Variants in GALC observed in about 807,000 individuals in gnomAD.
GALC encodes galactosylceramidase.
A neutral mutation model predicts 91.8 loss-of-function variants in GALC; 77 were observed. The ratio of observed to expected loss-of-function variants is 0.84; its 90% CI spans 0.70 to 1.01. The LOEUF (loss-of-function observed/expected upper bound fraction) is 1.01, where lower values mean the gene tolerates loss of function less well. Among genes scored for constraint, GALC ranks in the 50% least tolerant of loss-of-function variants. The probability of loss-of-function intolerance (pLI) is 0.00; values close to 1 mark genes in which losing one functional copy is unlikely to be tolerated. For missense variants in GALC, 882 were observed against 855.9 expected, an observed-to-expected ratio of 1.03 and a Z score of -0.38; for synonymous variants, 357 against 306.7, an observed-to-expected ratio of 1.16 and a Z score of -1.71.
chr14:87,974,297 C>A (rs1029603207), intron 7 of GALC, among the ~76,000 whole-genome samples: 1 of 152,128 alleles, frequency 6.6e-6, no homozygotes, highest in Non-Finnish European at 1.5e-5. Context: ...AAGCATAGAT[C>A]TCTTAGTTAC....
intron 14 of GALC, among the ~76,000 whole-genome samples, chr14:87,944,399 G>T (rs556423119): frequency 1.3e-5 from 2 of 151,906 alleles, no homozygotes; most frequent in East Asian, 3.9e-4. Flanking sequence ...CAAAACAATG[G>T]GACCCAGGCC....
In GALC at chr14:87,992,973, G is replaced by A. The variant is rs753287800; in HGVS notation, c.192C>T (p.Gly64=). Residue 64 remains glycine (G), a synonymous_variant, in exon 1 of 17, where the codon GGC becomes GGT. Coordinates refer to ENST00000261304, the MANE Select transcript of GALC (RefSeq NM_000153.4). ...ATCCCCGCAGCTTGCCGCTCACCCC[G>A]CCGCCGCTGACCGCGCCGATGCCGT... is the stretch of plus-strand genomic sequence containing the variant. The part of the protein sequence containing the change: ...EFDGIGAVSG[G]GATSRLLVNY... 1 of 1,520,768 alleles carries A rather than the reference G, an allele frequency of 6.6e-7. No homozygotes were observed. Among genetic ancestry groups the A allele is most frequent in the East Asian group, 2.7e-5 (1 of 37,504 alleles). The allele number at this position is 1,520,768 out of a possible 1,614,324, so 94.2% of individuals were successfully genotyped here.
At chr14:87,939,794 G>C (rs1884756736) in intron 16 of GALC, 111 bp downstream of exon 16, 1 of 841,830 alleles carries the variant, frequency 1.2e-6, no homozygotes, top group Admixed American at 1.7e-5. Flanking sequence ...CAGATTCTTT[G>C]TCTCTCTTCA....
intron 6 of GALC, chr14:87,976,872 T>C (rs961602548): frequency 4.9e-6 from 1 of 206,092 alleles, no homozygotes; most frequent in South Asian, 7.6e-5. Context: ...TTCAATACTA[T>C]ATTTTCTCAA....
intron 14 of GALC, among the ~76,000 whole-genome samples, chr14:87,943,704 T>A (rs1197115152): frequency 1.3e-5 from 2 of 151,978 alleles, no homozygotes; most frequent in African/African-American, 4.8e-5. Context: ...GGGAAATCCA[T>A]CAAAGTGCCT....
intron 6 of GALC, among the ~76,000 whole-genome samples, chr14:87,981,626 GTTA>G (rs1341176074): frequency 2.0e-5 from 3 of 152,068 alleles, no homozygotes; most frequent in South Asian, 4.1e-4. Flanking sequence ...AATGGCAGAA[GTTA>G]TTATTCTGTT....
intron 10 of GALC, chr14:87,959,546 C>T (rs915272056): frequency 6.6e-6 from 1 of 151,942 alleles, no homozygotes; most frequent in South Asian, 2.1e-4. Context: ...ACGGTGAAAC[C>T]CCGTCTCTAC....
chr14:87,990,814 C>G (rs1166054504), intron 1 of GALC, among the ~76,000 whole-genome samples: 1 of 152,208 alleles, frequency 6.6e-6, no homozygotes, highest in African/African-American at 2.4e-5. Context: ...AATGCACCAT[C>G]TAGCAATAGC....
intron 10 of GALC, among the ~76,000 whole-genome samples, chr14:87,962,616 CACACACACCAT>C (rs1885856325): frequency 9.2e-6 from 1 of 108,330 alleles, no homozygotes; most frequent in Admixed American, 8.9e-5. Flanking sequence ...CACACACACA[CACACACACCAT>C]TTTTTTAAGG....
chr14:87,966,084 T>C (rs1035483462), intron 8 of GALC, among the ~76,000 whole-genome samples: 9 of 152,218 alleles, frequency 5.9e-5, no homozygotes, highest in African/African-American at 1.9e-4. Context: ...TTGAGAATTA[T>C]TGGAGTCAGA....
At chr14:87,978,687 G>A (rs111735334) in intron 6 of GALC, among the ~76,000 whole-genome samples, 24 of 151,240 alleles carry the variant, frequency 1.6e-4, no homozygotes, top group Non-Finnish European at 3.3e-4. Context: ...TGTTCTGGTT[G>A]AAGTGAATGA....
chr14:87,989,261 C>A (rs78920797), intron 1 of GALC, among the ~76,000 whole-genome samples: 17,203 of 152,230 alleles, frequency 0.11, 1,144 homozygotes, highest in Non-Finnish European at 0.16. Context: ...TAGGTTCAAA[C>A]TGCTGACACT....
chr14:87,974,598 T>C (rs901586614), intron 7 of GALC, among the ~76,000 whole-genome samples: 2 of 150,142 alleles, frequency 1.3e-5, no homozygotes, highest in African/African-American at 4.8e-5. Context: ...ACAAAATACC[T>C]GAACAATATA....
chr14:87,984,149 A>AG (rs1316842755), intron 5 of GALC, among the ~76,000 whole-genome samples: 2 of 151,624 alleles, frequency 1.3e-5, no homozygotes, highest in Non-Finnish European at 2.9e-5. Context: ...AAAAAAAAAA[A>AG]AAAACCCAGC....
At chr14:87,992,501 A>AC in intron 1 of GALC, 1 of 1,531,418 alleles carries the variant, frequency 6.5e-7, no homozygotes, top group Non-Finnish European at 8.7e-7. Context: ...CGACTCCACC[A>AC]CCCACCAACT....
intron 6 of GALC, among the ~76,000 whole-genome samples, chr14:87,981,993 G>A (rs997882824): frequency 6.6e-6 from 1 of 151,954 alleles, no homozygotes; most frequent in African/African-American, 2.4e-5. Context: ...GTAATTCGGG[G>A]CTCACAAAGA....
At chr14:87,969,019 C>T (rs1478686487) in intron 7 of GALC, among the ~76,000 whole-genome samples, 5 of 152,152 alleles carry the variant, frequency 3.3e-5, no homozygotes, top group African/African-American at 9.7e-5. Flanking sequence ...GATAGCTTGG[C>T]ATTTACTCCC....
chr14:87,984,741 A>C (rs1321145408), intron 4 of GALC, among the ~76,000 whole-genome samples: 1 of 152,186 alleles, frequency 6.6e-6, no homozygotes, highest in Admixed American at 6.5e-5. Flanking sequence ...CCCTAGAGTC[A>C]GGTCCCATAA....
Position 87,953,566 on chromosome 14 carries a change from T to C in GALC, c.1162-2818A>G, listed in dbSNP as rs540711326. On this transcript the variant is annotated intron_variant, in intron 10 of 16. Coordinates refer to ENST00000261304, the MANE Select transcript of GALC (RefSeq NM_000153.4). Reference sequence around the variant, plus strand: ...ACCAAATGAGATACGTATTGAGTTGTGTAGCTCAGGAATACTGTGTTCCCA... The same window carrying C: ...ACCAAATGAGATACGTATTGAGTTGCGTAGCTCAGGAATACTGTGTTCCCA... 86 of 1,609,596 alleles carry C rather than the reference T, an allele frequency of 5.3e-5. No individual in the cohort carries two copies. In the East Asian group the frequency reaches 1.6e-3, roughly 29 times the overall value.
Sources: allele counts gnomAD v4.1 joint callset (sites outside exome capture counted in the v4.1 genomes callset), GRCh38; gene constraint gnomAD v4.1.1; transcripts MANE v1.5; gene names NCBI Gene and HGNC (gene_info 2026-07-23, HGNC 2026-07-21).